ACBD3: variants seen among roughly 807,000 people sequenced by gnomAD.
ACBD3 encodes the protein Golgi resident protein GCP60.
A neutral mutation model predicts 66.9 loss-of-function variants in ACBD3; 30 were observed. The observed-to-expected ratio is 0.45, with a 90% confidence interval of 0.34 to 0.61. The LOEUF (loss-of-function observed/expected upper bound fraction) is 0.61. Ranked by LOEUF, ACBD3 falls within the 20% of genes least tolerant of loss-of-function variation. ACBD3 has a pLI of 0.02. For synonymous variants in ACBD3, 278 were observed against 259.8 expected (o/e 1.07, Z -0.68); for missense variants, 544 against 664.5 (o/e 0.82, Z 1.99).
chr1:226,177,361 CTTTT>C (rs376001082), intron 1 of ACBD3, among the ~76,000 whole-genome samples: 1 of 138,118 alleles, frequency 7.2e-6, no homozygotes, highest in African/African-American at 2.7e-5. Flanking sequence ...CCACTCTTGG[CTTTT>C]TTTTTTTTTT....
At chr1:226,185,702 G>A (rs1039430224) in intron 1 of ACBD3, among the ~76,000 whole-genome samples, 2 of 151,872 alleles carry the variant, frequency 1.3e-5, no homozygotes, top group Non-Finnish European at 2.9e-5. Flanking sequence ...AGCACAGAAG[G>A]TACTGTTAGG....
chr1:226,165,998 T>C lies in ACBD3; in HGVS notation c.289A>G (p.Lys97Glu). 1 of 1,600,600 alleles carries C rather than the reference T, an allele frequency of 6.2e-7. No homozygotes were observed. Among genetic ancestry groups the C allele is most frequent in the Non-Finnish European group, 8.5e-7 (1 of 1,176,776 alleles). ...YGLALRFFKEKDGKAFHPTYE... is the reference protein window; with the variant it reads ...YGLALRFFKEEDGKAFHPTYE... ...GTTGGATGAAATGCTTTGCCATCTT[T>C]TTCTATAAGAAAAAGAAACACAAAG... Residue 97 changes from lysine (K) to glutamate (E), a missense_variant and splice_region_variant, in exon 2 of 8, where the codon AAA becomes GAA. Physicochemically the swap from Lys to Glu is moderately conservative, Grantham distance 56. Around this residue, in one of 3 missense-constraint regions of ACBD3, gnomAD observed 137 missense variants for 145.9 expected, o/e 0.94. Transcript: ENST00000366812.
chr1:226,165,720 G>T, intron 2 of ACBD3, 139 bp downstream of exon 2: 1 of 840,858 alleles, frequency 1.2e-6, no homozygotes, highest in Non-Finnish European at 1.7e-6. Flanking sequence ...AATATCTGAA[G>T]ACTCCAGAAG....
Position 226,159,064 on chromosome 1 carries a change from T to TA in ACBD3, c.903+119dup, listed in dbSNP as rs1485272757. 6.1e-6 allele frequency: 7 copies of TA among 1,144,304 alleles called. No homozygotes were observed. The African/African-American group carries it at 9.3e-5, about 15-fold the overall frequency. The allele number at this position is 1,144,304 out of a possible 1,614,324, so 70.9% of individuals were successfully genotyped here. On this transcript the variant is annotated intron_variant, in intron 5 of 7. Transcript: ENST00000366812. Reference sequence around the variant, plus strand: ...TCTGCCTAAAAGATCACCCAAAAGTTACTTTACACCTTAGAGGCTAACTAA... The same window carrying TA: ...TCTGCCTAAAAGATCACCCAAAAGTTAACTTTACACCTTAGAGGCTAACTAA...
chr1:226,151,781 G>C (rs1020983201), intron 7 of ACBD3, among the ~76,000 whole-genome samples: 31 of 152,286 alleles, frequency 2.0e-4, no homozygotes, highest in African/African-American at 7.5e-4. Flanking sequence ...GCCGAGGCGG[G>C]TGGATCACAA....
At chr1:226,185,947 C>G (rs1340723528) in intron 1 of ACBD3, among the ~76,000 whole-genome samples, 5 of 152,132 alleles carry the variant, frequency 3.3e-5, no homozygotes, top group Non-Finnish European at 7.3e-5. Flanking sequence ...AACCTCTTGA[C>G]AGATTTCTTC....
chr1:226,150,058 T>A (rs192489041), intron 7 of ACBD3, among the ~76,000 whole-genome samples: 22 of 149,186 alleles, frequency 1.5e-4, no homozygotes, highest in Admixed American at 1.5e-3. Flanking sequence ...TTTTTTAATT[T>A]TTTTTTTTTT....
chr1:226,176,058 T>C (rs1374269401), intron 1 of ACBD3, among the ~76,000 whole-genome samples: 1 of 152,140 alleles, frequency 6.6e-6, no homozygotes, highest in South Asian at 2.1e-4. Context: ...AGGGTCCTTA[T>C]AAATGGAAGG....
intron 2 of ACBD3, 77 bp downstream of exon 2, chr1:226,165,782 A>G: frequency 6.7e-7 from 1 of 1,487,298 alleles, no homozygotes; most frequent in African/African-American, 1.4e-5. Context: ...CCAGCTACTT[A>G]CACCTTAACC....
At chr1:226,163,682 T>A (rs1055536315) in intron 3 of ACBD3, among the ~76,000 whole-genome samples, 6 of 152,220 alleles carry the variant, frequency 3.9e-5, no homozygotes, top group African/African-American at 1.4e-4. Context: ...TCATATTAAA[T>A]GACCCCTGAC....
intron 3 of ACBD3, among the ~76,000 whole-genome samples, chr1:226,162,742 G>A (rs1162773052): frequency 6.6e-6 from 1 of 151,602 alleles, no homozygotes; most frequent in Non-Finnish European, 1.5e-5. Context: ...TCCTATAAGT[G>A]ATTAACAACT....
Position 226,166,637 on chromosome 1 carries a change from G to A in ACBD3, c.287-637C>T, listed in dbSNP as rs117557464. Among the ~76,000 whole-genome samples the A allele has an allele frequency of 9.8e-4, 149 of 151,294 alleles. 3 individuals are homozygous for A. In the East Asian group the frequency reaches 0.027, roughly 28 times the overall value. ...ACTACCTGGGACTACAGGAGTATGC[G>A]CCATCATACGTGGAAAATGTTTTTA... On this transcript the variant is annotated intron_variant, in intron 1 of 7. Transcript: ENST00000366812.
chr1:226,159,948 T>C lies in ACBD3; in HGVS notation c.729-590A>G, dbSNP rs543054784. ...AGCTGGAAGATGTTACAGGTGGCCC[T>C]GGTAAGTATAAATAAAGCCAGTGAA... On this transcript the variant is annotated intron_variant, in intron 4 of 7. Coordinates refer to ENST00000366812, the MANE Select transcript of ACBD3 (RefSeq NM_022735.4). Among the ~76,000 whole-genome samples the C allele has an allele frequency of 1.0e-3, 156 of 152,304 alleles. 1 individual carries two copies. Among genetic ancestry groups the C allele is most frequent in the African/African-American group, 3.6e-3 (148 of 41,568 alleles).
In ACBD3 at chr1:226,146,602, C is replaced by T. The variant is rs762450343; in HGVS notation, c.*8G>A. ...CAACCCTAGACTCCAGACTTTGTAA[C>T]AACATTTTTATCTAGTATAATAGAC... On this transcript the variant is annotated 3_prime_UTR_variant, in exon 8 of 8. Coordinates refer to ENST00000366812, the MANE Select transcript of ACBD3 (RefSeq NM_022735.4). The T allele has an allele frequency of 6.2e-7, 1 of 1,611,178 alleles. No individual in the cohort carries two copies. The highest frequency in any genetic ancestry group is 1.1e-5 in the South Asian group (1 of 90,882).
At chr1:226,158,335 C>CTAAG (rs1659711896) in intron 5 of ACBD3, among the ~76,000 whole-genome samples, 1 of 152,146 alleles carries the variant, frequency 6.6e-6, no homozygotes, top group Admixed American at 6.5e-5. Context: ...GTAAGTTAAA[C>CTAAG]TAAGCTACGT....
At chr1:226,155,752 T>C (rs1166835252) in intron 5 of ACBD3, among the ~76,000 whole-genome samples, 1 of 152,220 alleles carries the variant, frequency 6.6e-6, no homozygotes, top group Non-Finnish European at 1.5e-5. Flanking sequence ...TTGAAAATTG[T>C]TAATCGTGTT....
At chr1:226,159,642 CCTTA>C (rs1271537433) in intron 4 of ACBD3, among the ~76,000 whole-genome samples, 1 of 152,052 alleles carries the variant, frequency 6.6e-6, no homozygotes, top group Non-Finnish European at 1.5e-5. Context: ...TTTATTGTGC[CCTTA>C]CTATGTGCCA....
chr1:226,176,584 TTAC>T (rs1012818721), intron 1 of ACBD3, among the ~76,000 whole-genome samples: 5 of 152,208 alleles, frequency 3.3e-5, no homozygotes, highest in African/African-American at 1.2e-4. Context: ...GTCATATTTA[TTAC>T]TACAATTTTT....
intron 1 of ACBD3, among the ~76,000 whole-genome samples, chr1:226,173,901 C>T (rs1424457718): frequency 6.6e-6 from 1 of 151,356 alleles, no homozygotes; most frequent in Non-Finnish European, 1.5e-5. Flanking sequence ...GCTGGGATTA[C>T]AGAAGTGTGC....
Sources: allele counts gnomAD v4.1 joint callset (sites outside exome capture counted in the v4.1 genomes callset), GRCh38; gene constraint gnomAD v4.1.1; regional missense constraint gnomAD v4.1.1; transcripts MANE v1.5; gene names NCBI Gene and HGNC (gene_info 2026-07-23, HGNC 2026-07-21).